RALYL: variants seen among roughly 807,000 people sequenced by gnomAD.
RALYL encodes the protein RNA-binding Raly-like protein.
In RALYL, 29 loss-of-function variants were observed where a neutral mutation model predicts 35.1. The observed-to-expected ratio is 0.83, with a 90% confidence interval of 0.61 to 1.13. The LOEUF (loss-of-function observed/expected upper bound fraction) is 1.13. Among genes scored for constraint, RALYL ranks in the 50% most tolerant of loss-of-function variants. The probability of loss-of-function intolerance (pLI) is 0.00; values close to 1 mark genes in which losing one functional copy is unlikely to be tolerated. For synonymous variants in RALYL, 120 were observed against 127.6 expected, an observed-to-expected ratio of 0.94 and a Z score of 0.40; for missense variants, 359 against 360.4, an observed-to-expected ratio of 1.00 and a Z score of 0.03.
intron 1 of RALYL, among the ~76,000 whole-genome samples, chr8:84,234,028 C>T (rs1825935978): frequency 6.6e-6 from 1 of 152,020 alleles, no homozygotes; most frequent in African/African-American, 2.4e-5. Flanking sequence ...GTCTTGCCTT[C>T]CTTTCTTACT....
intron 4 of RALYL, among the ~76,000 whole-genome samples, chr8:84,840,670 T>C (rs1198367024): frequency 6.6e-6 from 1 of 152,112 alleles, no homozygotes; most frequent in Non-Finnish European, 1.5e-5. Flanking sequence ...AATTGTCAGA[T>C]TCACCAAATT....
chr8:84,660,238 T>C (rs1469532729), intron 2 of RALYL, among the ~76,000 whole-genome samples: 1 of 152,096 alleles, frequency 6.6e-6, no homozygotes, highest in Non-Finnish European at 1.5e-5. Flanking sequence ...ATTTGAATTT[T>C]CTCAATAATG....
intron 8 of RALYL, among the ~76,000 whole-genome samples, chr8:84,907,945 T>G (rs536506022): frequency 6.6e-6 from 1 of 152,162 alleles, no homozygotes; most frequent in South Asian, 2.1e-4. Flanking sequence ...TCTCTCTTTC[T>G]CCCATTAAAA....
intron 2 of RALYL, among the ~76,000 whole-genome samples, chr8:84,661,090 G>A (rs1830817873): frequency 6.6e-6 from 1 of 151,688 alleles, no homozygotes; most frequent in Non-Finnish European, 1.5e-5. Flanking sequence ...CACCATGCCC[G>A]GCTAATTTTT....
chr8:84,874,375 C>A (rs1423070190), intron 7 of RALYL, among the ~76,000 whole-genome samples: 1 of 152,182 alleles, frequency 6.6e-6, no homozygotes, highest in Non-Finnish European at 1.5e-5. Flanking sequence ...AATCGATTTT[C>A]CTAGACCTGT....
At chr8:84,881,021 A>T (rs1842096007) in intron 7 of RALYL, among the ~76,000 whole-genome samples, 1 of 152,002 alleles carries the variant, frequency 6.6e-6, no homozygotes, top group African/African-American at 2.4e-5. Flanking sequence ...ATTAGATTTA[A>T]ATAAACACAA....
At chr8:84,903,443 T>C (rs1563839228) in intron 8 of RALYL, among the ~76,000 whole-genome samples, 1 of 152,088 alleles carries the variant, frequency 6.6e-6, no homozygotes, top group Non-Finnish European at 1.5e-5. Context: ...CCTTCACCCT[T>C]TGGTACCTTA....
intron 2 of RALYL, among the ~76,000 whole-genome samples, chr8:84,724,067 T>A (rs1190851950): frequency 1.3e-5 from 2 of 151,784 alleles, no homozygotes; most frequent in Non-Finnish European, 3.0e-5. Context: ...TCAGTAATAT[T>A]GTTGAGTCTG....
At chr8:84,225,028 T>A (rs2131357057) in intron 1 of RALYL, among the ~76,000 whole-genome samples, 1 of 152,284 alleles carries the variant, frequency 6.6e-6, no homozygotes, top group South Asian at 2.1e-4. Context: ...GACCCACAGA[T>A]ATTATGGATG....
rs370112527 is a variant in RALYL at position 84,350,836 on chromosome 8, A to G, written c.-24+166412A>G. ...CACTATTTGAAGGAGAGAAATCAAT[A>G]GAAGAGTTGCTTTCTATGCTCCGAA... On this transcript the variant is annotated intron_variant, in intron 1 of 8. Coordinates refer to ENST00000521268, the MANE Select transcript of RALYL (RefSeq NM_173848.7). 1.1e-3 allele frequency among the ~76,000 whole-genome samples: 165 copies of G among 150,354 alleles called. 6 individuals are homozygous for G. The South Asian group carries it at 0.033, about 30-fold the overall frequency.
At chr8:84,531,245 T>A (rs2059258946) in intron 2 of RALYL, among the ~76,000 whole-genome samples, 1 of 152,146 alleles carries the variant, frequency 6.6e-6, no homozygotes, top group Non-Finnish European at 1.5e-5. Context: ...ATTGTGAATA[T>A]TATCAAATGA....
At chr8:84,344,549 T>A (rs990027384) in intron 1 of RALYL, among the ~76,000 whole-genome samples, 1 of 152,080 alleles carries the variant, frequency 6.6e-6, no homozygotes, top group Non-Finnish European at 1.5e-5. Flanking sequence ...TTTAATTTAA[T>A]TTTTTGTAAT....
intron 2 of RALYL, among the ~76,000 whole-genome samples, chr8:84,703,932 A>G (rs1385703983): frequency 6.6e-6 from 1 of 152,200 alleles, no homozygotes; most frequent in Non-Finnish European, 1.5e-5. Flanking sequence ...GTACAATTTC[A>G]TCAAAATCTA....
chr8:84,615,339 G>GGA (rs759609278), intron 2 of RALYL, among the ~76,000 whole-genome samples: 1 of 140,166 alleles, frequency 7.1e-6, no homozygotes, highest in African/African-American at 2.6e-5. Context: ...TAAATACATT[G>GGA]AAAAAAAAAA....
At chr8:84,339,593 A>G (rs145019821) in intron 1 of RALYL, among the ~76,000 whole-genome samples, 2,765 of 152,106 alleles carry the variant, frequency 0.018, 37 homozygotes, top group South Asian at 0.03. Context: ...AATAGAAATA[A>G]AGTGTACAAC....
At chr8:84,316,673 C>A (rs185079316) in intron 1 of RALYL, among the ~76,000 whole-genome samples, 1 of 152,230 alleles carries the variant, frequency 6.6e-6, no homozygotes, top group African/African-American at 2.4e-5. Context: ...TCTGCATCCG[C>A]AAATTCAATG....
At chr8:84,587,906 A>G (rs910426301) in intron 2 of RALYL, among the ~76,000 whole-genome samples, 4 of 152,156 alleles carry the variant, frequency 2.6e-5, no homozygotes, top group African/African-American at 7.2e-5. Context: ...TCGAGCACCT[A>G]TAATAGAAGG....
At chr8:84,878,150 C>A (rs1001210037) in intron 7 of RALYL, among the ~76,000 whole-genome samples, 8 of 152,258 alleles carry the variant, frequency 5.3e-5, no homozygotes, top group African/African-American at 1.9e-4. Flanking sequence ...CCAGCTATCC[C>A]AACTGCACTT....
At chr8:84,643,981 G>A (rs182562976) in intron 2 of RALYL, among the ~76,000 whole-genome samples, 122 of 152,084 alleles carry the variant, frequency 8.0e-4, no homozygotes, top group African/African-American at 2.8e-3. Context: ...ACTTGCAGAT[G>A]GGTCTCTAGG....
Sources: gnomAD v4.1 joint callset for allele counts (sites outside exome capture counted in the v4.1 genomes callset) on GRCh38, gnomAD v4.1.1 for gene constraint, MANE v1.5 for transcripts, NCBI Gene and HGNC (gene_info 2026-07-23, HGNC 2026-07-21) for gene names.